The following NOL4 variants were observed in gnomAD, a reference collection of about 807,000 sequenced individuals.
NOL4 encodes the protein nucleolar protein 4.
NOL4 carries 17 observed loss-of-function variants against 75.9 expected under a neutral mutation model. The ratio of observed to expected loss-of-function variants is 0.22; its 90% CI spans 0.15 to 0.34. The LOEUF is 0.34. Among genes scored for constraint, NOL4 ranks in the 10% least tolerant of loss-of-function variants. The pLI, the probability that NOL4 is intolerant of heterozygous loss-of-function variation, is 1.00. For synonymous variants in NOL4, 292 were observed against 289.9 expected (o/e 1.01, Z -0.07); for missense variants, 614 against 793.5 (o/e 0.77, Z 2.72).
intron 4 of NOL4, among the ~76,000 whole-genome samples, chr18:34,095,757 T>C (rs1332556887): frequency 2.0e-5 from 3 of 152,114 alleles, no homozygotes; most frequent in Admixed American, 1.3e-4. Flanking sequence ...TATTACAGTA[T>C]ATGAACATAT....
chr18:33,870,812 A>T (rs2063664808), intron 10 of NOL4, among the ~76,000 whole-genome samples: 1 of 152,098 alleles, frequency 6.6e-6, no homozygotes, highest in Non-Finnish European at 1.5e-5. Flanking sequence ...AGACTGTACA[A>T]GCTACTTTTA....
intron 10 of NOL4, among the ~76,000 whole-genome samples, chr18:33,882,648 C>T (rs1378986724): frequency 1.5e-4 from 22 of 150,306 alleles, no homozygotes; most frequent in Non-Finnish European, 2.8e-4. Flanking sequence ...GTCAGTGTGG[C>T]GATTCCTCAG....
At chr18:33,998,667 T>C (rs996426437) in intron 6 of NOL4, among the ~76,000 whole-genome samples, 1 of 152,100 alleles carries the variant, frequency 6.6e-6, no homozygotes, top group Non-Finnish European at 1.5e-5. Context: ...TTTAAATATA[T>C]GAAAATTAAA....
intron 1 of NOL4, among the ~76,000 whole-genome samples, chr18:34,177,390 GTA>G (rs1033926732): frequency 6.6e-6 from 1 of 151,794 alleles, no homozygotes; most frequent in Non-Finnish European, 1.5e-5. Context: ...ATGTCAAAAT[GTA>G]TCAAGTTGTA....
intron 1 of NOL4, among the ~76,000 whole-genome samples, chr18:34,175,630 A>C (rs971830598): frequency 2.6e-5 from 4 of 152,106 alleles, no homozygotes; most frequent in Non-Finnish European, 5.9e-5. Flanking sequence ...ACTTTAGGTG[A>C]ATGTCAAATA....
intron 9 of NOL4, among the ~76,000 whole-genome samples, chr18:33,896,981 G>A (rs1367265305): frequency 6.6e-6 from 1 of 151,994 alleles, no homozygotes; most frequent in Non-Finnish European, 1.5e-5. Flanking sequence ...CTCAAAAGAA[G>A]ACATACATGC....
chr18:34,219,494 T>C (rs998286599), intron 1 of NOL4, among the ~76,000 whole-genome samples: 1 of 152,244 alleles, frequency 6.6e-6, no homozygotes, highest in Non-Finnish European at 1.5e-5. Context: ...GCAAGTGTGA[T>C]GTTTCCACTA....
intron 1 of NOL4, among the ~76,000 whole-genome samples, chr18:34,198,596 C>T (rs555344297): frequency 6.6e-6 from 1 of 151,794 alleles, no homozygotes; most frequent in South Asian, 2.1e-4. Flanking sequence ...TAGCATAATG[C>T]ATATGCAACT....
chr18:34,147,696 G>A (rs1167697969), intron 1 of NOL4, among the ~76,000 whole-genome samples: 1 of 152,008 alleles, frequency 6.6e-6, no homozygotes, highest in African/African-American at 2.4e-5. Flanking sequence ...TTGTGTCTCT[G>A]CCAGGCTTTG....
chr18:34,097,886 C>T (rs2078862878), intron 4 of NOL4, among the ~76,000 whole-genome samples: 1 of 152,088 alleles, frequency 6.6e-6, no homozygotes, highest in Non-Finnish European at 1.5e-5. Flanking sequence ...ATCAAATCAT[C>T]CCCCAGAAAG....
At chr18:33,892,659 C>CTTCT (rs1444906882) in intron 9 of NOL4, among the ~76,000 whole-genome samples, 1 of 150,946 alleles carries the variant, frequency 6.6e-6, no homozygotes, top group Admixed American at 6.6e-5. Flanking sequence ...CCTTCTTCTT[C>CTTCT]TTTTTTTCTT....
intron 5 of NOL4, among the ~76,000 whole-genome samples, chr18:34,049,838 G>C (rs913111172): frequency 6.6e-6 from 1 of 152,070 alleles, no homozygotes; most frequent in Admixed American, 6.6e-5. Context: ...TCACTCAGAG[G>C]TGTGAGAATC....
chr18:33,867,165 G>C (rs1277494938), intron 10 of NOL4, among the ~76,000 whole-genome samples: 1 of 152,102 alleles, frequency 6.6e-6, no homozygotes, highest in Non-Finnish European at 1.5e-5. Flanking sequence ...AATTCACATA[G>C]CTTGGAAGTT....
chr18:33,865,465 C>G (rs1159191166), intron 10 of NOL4, among the ~76,000 whole-genome samples: 6 of 151,778 alleles, frequency 4.0e-5, no homozygotes, highest in Admixed American at 3.9e-4. Flanking sequence ...ATATGGAGCC[C>G]ACTGACACAG....
At chr18:34,198,351 C>G (rs1412556606) in intron 1 of NOL4, among the ~76,000 whole-genome samples, 1 of 151,846 alleles carries the variant, frequency 6.6e-6, no homozygotes, top group South Asian at 2.1e-4. Context: ...CTAAAAGTGA[C>G]AAACGCCAAT....
intron 6 of NOL4, among the ~76,000 whole-genome samples, chr18:33,983,773 T>C (rs1186859980): frequency 6.6e-6 from 1 of 152,062 alleles, no homozygotes. Context: ...TTTTTAAAAA[T>C]ATTCTTTAAC....
intron 5 of NOL4, among the ~76,000 whole-genome samples, chr18:34,063,365 A>T (rs1451008234): frequency 6.6e-6 from 1 of 152,054 alleles, no homozygotes; most frequent in Non-Finnish European, 1.5e-5. Context: ...TGGAATTTTC[A>T]GTCCTTATCA....
intron 1 of NOL4, among the ~76,000 whole-genome samples, chr18:34,171,899 C>G (rs2033078005): frequency 6.6e-6 from 1 of 152,084 alleles, no homozygotes. Context: ...TACTCTCTAT[C>G]CCAAATGGTA....
At chr18:34,120,886 C>T (rs1026063614) in intron 2 of NOL4, among the ~76,000 whole-genome samples, 3 of 152,084 alleles carry the variant, frequency 2.0e-5, no homozygotes, top group African/African-American at 7.2e-5. Context: ...TATCAGTATA[C>T]ATTAGTAGAC....
Sources: gnomAD v4.1 joint callset for allele counts (sites outside exome capture counted in the v4.1 genomes callset) on GRCh38, gnomAD v4.1.1 for gene constraint, MANE v1.5 for transcripts, NCBI Gene and HGNC (gene_info 2026-07-23, HGNC 2026-07-21) for gene names.